CACNA2D1: variants seen among roughly 807,000 people sequenced by gnomAD.
The protein encoded by CACNA2D1 is calcium voltage-gated channel auxiliary subunit alpha2delta 1.
Under a neutral mutation model 171.5 loss-of-function variants are expected in CACNA2D1, and 53 were observed. The observed-to-expected ratio is 0.31, with a 90% CI of 0.25 to 0.39. CACNA2D1 has a LOEUF of 0.39. Ranked by LOEUF, CACNA2D1 falls within the 10% of genes least tolerant of loss-of-function variation. The pLI, the probability that CACNA2D1 is intolerant of heterozygous loss-of-function variation, is 1.00. For synonymous variants in CACNA2D1, 442 were observed against 443.1 expected, an observed-to-expected ratio of 1.00 and a Z score of 0.03; for missense variants, 903 against 1,299.8, an observed-to-expected ratio of 0.69 and a Z score of 4.69.
intron 3 of CACNA2D1, among the ~76,000 whole-genome samples, chr7:82,203,933 A>G (rs76817736): frequency 0.011 from 1,629 of 152,284 alleles, 28 homozygotes; most frequent in African/African-American, 0.037. Context: ...TGGGGCACCT[A>G]CTTGGAGCAG....
intron 15 of CACNA2D1, among the ~76,000 whole-genome samples, chr7:82,011,039 A>G: frequency 6.6e-6 from 1 of 152,314 alleles, no homozygotes; most frequent in South Asian, 2.1e-4. Flanking sequence ...TCATGTCAGG[A>G]AAGTAAAAAT....
intron 1 of CACNA2D1, among the ~76,000 whole-genome samples, chr7:82,439,073 G>A (rs538067656): frequency 6.6e-6 from 1 of 152,154 alleles, no homozygotes; most frequent in South Asian, 2.1e-4. Flanking sequence ...ATAGCTTGAA[G>A]ACATGTGCTA....
chr7:82,052,406 G>GT (rs1390996663), intron 10 of CACNA2D1, among the ~76,000 whole-genome samples: 2 of 151,972 alleles, frequency 1.3e-5, no homozygotes, highest in African/African-American at 2.4e-5. Flanking sequence ...TATTTTGAAG[G>GT]TTTTTTTCCT....
intron 23 of CACNA2D1, 98 bp downstream of exon 23, chr7:81,983,216 G>T: frequency 9.7e-7 from 1 of 1,026,116 alleles, no homozygotes; most frequent in Non-Finnish European, 1.5e-6. Flanking sequence ...TTTAGCAAAT[G>T]AGAAGCACAG....
At chr7:82,369,170 ATAG>A in intron 1 of CACNA2D1, among the ~76,000 whole-genome samples, 1 of 152,186 alleles carries the variant, frequency 6.6e-6, no homozygotes, top group East Asian at 1.9e-4. Flanking sequence ...TTTGCATTTC[ATAG>A]TAATTATTTA....
intron 6 of CACNA2D1, among the ~76,000 whole-genome samples, chr7:82,098,547 G>A (rs1812211578): frequency 6.6e-6 from 1 of 152,124 alleles, no homozygotes; most frequent in South Asian, 2.1e-4. Context: ...TGGAGAATAA[G>A]CAATTTCCCT....
chr7:82,111,414 GTGTATATA>G (rs1563065173), intron 6 of CACNA2D1, among the ~76,000 whole-genome samples: 11,521 of 94,602 alleles, frequency 0.12, 1,446 homozygotes, highest in East Asian at 0.22. Flanking sequence ...ATTCATATAT[GTGTATATA>G]TGTGTGTATA....
rs1292782136 is a variant in CACNA2D1 at position 82,135,756 on chromosome 7, G to C, written c.396+879C>G. On this transcript the variant is annotated intron_variant, in intron 5 of 38. Transcript: ENST00000356860. ...AGCTGGAAGAAAATTCCATATAATA[G>C]TATATAAATACAATTATTTTGATTC... Among the ~76,000 whole-genome samples, 3 of 151,942 alleles carry C rather than the reference G, an allele frequency of 2.0e-5. No homozygotes were observed. The East Asian group carries it at 5.8e-4, about 29-fold the overall frequency.
chr7:81,962,368 T>C, intron 35 of CACNA2D1, 72 bp downstream of exon 35: 3 of 1,051,394 alleles, frequency 2.9e-6, no homozygotes, highest in Middle Eastern at 4.0e-4. Flanking sequence ...TCTGAATTTG[T>C]TGAACTTCAA....
chr7:82,259,424 C>A (rs1299743549), intron 3 of CACNA2D1, among the ~76,000 whole-genome samples: 1 of 151,996 alleles, frequency 6.6e-6, no homozygotes, highest in Admixed American at 6.6e-5. Flanking sequence ...ATACCTCATT[C>A]GTGTCACATT....
At chr7:82,371,407 T>C (rs566224875) in intron 1 of CACNA2D1, among the ~76,000 whole-genome samples, 3 of 152,128 alleles carry the variant, frequency 2.0e-5, no homozygotes, top group Non-Finnish European at 4.4e-5. Context: ...ACAAGGTTTT[T>C]GTAAGGATTA....
chr7:82,439,154 T>C (rs899901534), intron 1 of CACNA2D1, among the ~76,000 whole-genome samples: 3 of 152,232 alleles, frequency 2.0e-5, no homozygotes, highest in Non-Finnish European at 2.9e-5. Context: ...AGGTGCTTTA[T>C]ATAATGATAC....
chr7:82,173,476 T>G (rs1267870300), intron 3 of CACNA2D1, among the ~76,000 whole-genome samples: 1 of 152,060 alleles, frequency 6.6e-6, no homozygotes, highest in Non-Finnish European at 1.5e-5. Flanking sequence ...ACTCTACTCC[T>G]GTTAATTTCT....
At chr7:82,262,149 G>A (rs1227016760) in intron 3 of CACNA2D1, among the ~76,000 whole-genome samples, 1 of 152,166 alleles carries the variant, frequency 6.6e-6, no homozygotes, top group Non-Finnish European at 1.5e-5. Flanking sequence ...GGCTAACACG[G>A]TGAAACCCCG....
chr7:82,399,461 CTG>C (rs961471729), intron 1 of CACNA2D1, among the ~76,000 whole-genome samples: 1 of 151,700 alleles, frequency 6.6e-6, no homozygotes, highest in African/African-American at 2.4e-5. Context: ...CAAAAAAACT[CTG>C]TTTTAAATAG....
chr7:82,349,739 C>T lies in CACNA2D1; in HGVS notation c.96-90G>A, dbSNP rs1819630921. 1.8e-5 allele frequency: 18 copies of T among 1,007,840 alleles called. No individual in the cohort carries two copies. In the South Asian group the frequency reaches 2.3e-4, roughly 13 times the overall value. The allele number at this position is 1,007,840 out of a possible 1,614,324, so 62.4% of individuals were successfully genotyped here. The stretch of plus-strand genomic sequence containing the variant: ...TTTTATATCCACGCTACAGATAATT[C>T]ATTAAAATGCCCTTAAATTATTCCT... On this transcript the variant is annotated intron_variant, in intron 1 of 38. Transcript: ENST00000356860.
intron 3 of CACNA2D1, among the ~76,000 whole-genome samples, chr7:82,246,661 T>C (rs928050369): frequency 2.6e-5 from 4 of 152,150 alleles, no homozygotes; most frequent in Non-Finnish European, 5.9e-5. Flanking sequence ...ATGGTTGAGA[T>C]ACCTATAGAA....
At chr7:82,194,787 C>T (rs542845227) in intron 3 of CACNA2D1, among the ~76,000 whole-genome samples, 1 of 151,840 alleles carries the variant, frequency 6.6e-6, no homozygotes, top group East Asian at 1.9e-4. Context: ...GGAAAACCTA[C>T]GATAAGAAAT....
At chr7:82,412,562 C>T (rs1392100057) in intron 1 of CACNA2D1, among the ~76,000 whole-genome samples, 1 of 151,840 alleles carries the variant, frequency 6.6e-6, no homozygotes, top group Admixed American at 6.6e-5. Flanking sequence ...GGATTACAGG[C>T]GTGAGCCACT....
Sources: gnomAD v4.1 joint callset for allele counts (sites outside exome capture counted in the v4.1 genomes callset) on GRCh38, gnomAD v4.1.1 for gene constraint, MANE v1.5 for transcripts, NCBI Gene and HGNC (gene_info 2026-07-23, HGNC 2026-07-21) for gene names.